The following NCK2 variants were observed in gnomAD, a reference collection of about 807,000 sequenced individuals.
NCK2 encodes the protein NCK adaptor protein 2, also known as cytoplasmic protein NCK2.
Under a neutral mutation model 33.9 loss-of-function variants are expected in NCK2, and 16 were observed. The observed-to-expected ratio is 0.47, with a 90% CI of 0.32 to 0.72. The LOEUF (loss-of-function observed/expected upper bound fraction) is 0.72. Ranked by LOEUF, NCK2 falls within the 30% of genes least tolerant of loss-of-function variation. NCK2 has a pLI of 0.03. For missense variants in NCK2, 418 were observed against 537.3 expected, an observed-to-expected ratio of 0.78 and a Z score of 2.19; for synonymous variants, 273 against 239.9, an observed-to-expected ratio of 1.14 and a Z score of -1.27.
intron 3 of NCK2, 79 bp downstream of exon 3, chr2:105,855,368 T>TAAA (rs1677218561): frequency 1.2e-5 from 10 of 820,522 alleles, no homozygotes; most frequent in Admixed American, 1.1e-4. Flanking sequence ...GTTTGCTGTT[T>TAAA]CAAAAAAAAA....
At chr2:105,807,454 A>G (rs1024046100) in intron 1 of NCK2, among the ~76,000 whole-genome samples, 1 of 152,182 alleles carries the variant, frequency 6.6e-6, no homozygotes, top group East Asian at 1.9e-4. Context: ...CTAGGGAAAA[A>G]ATTATTTAGT....
chr2:105,756,743 C>G (rs1412193736), intron 1 of NCK2, among the ~76,000 whole-genome samples: 5 of 152,220 alleles, frequency 3.3e-5, no homozygotes, highest in African/African-American at 1.2e-4. Flanking sequence ...AAACATTTGC[C>G]TTCACGCAGT....
At chr2:105,771,421 G>A (rs1573573202) in intron 1 of NCK2, among the ~76,000 whole-genome samples, 1 of 151,852 alleles carries the variant, frequency 6.6e-6, no homozygotes, top group South Asian at 2.1e-4. Context: ...ATAAAAATTA[G>A]CTGGGTGTGG....
At chr2:105,761,231 G>A (rs1307891595) in intron 1 of NCK2, among the ~76,000 whole-genome samples, 1 of 152,180 alleles carries the variant, frequency 6.6e-6, no homozygotes, top group African/African-American at 2.4e-5. Flanking sequence ...TGGTATGGAC[G>A]GGGCAGGCGT....
intron 3 of NCK2, among the ~76,000 whole-genome samples, chr2:105,873,195 C>A (rs2104635803): frequency 6.6e-6 from 1 of 152,330 alleles, no homozygotes. Flanking sequence ...TTAAATTTGA[C>A]CTTGTCTGAA....
intron 1 of NCK2, among the ~76,000 whole-genome samples, chr2:105,766,173 C>T (rs1254172042): frequency 1.3e-5 from 2 of 152,000 alleles, no homozygotes; most frequent in Non-Finnish European, 2.9e-5. Context: ...GAAGTGGGGC[C>T]TAGGAAGCAC....
At chr2:105,815,472 G>C (rs905816217) in intron 1 of NCK2, among the ~76,000 whole-genome samples, 3 of 152,162 alleles carry the variant, frequency 2.0e-5, no homozygotes, top group Non-Finnish European at 4.4e-5. Context: ...CATTGGGTTT[G>C]AAATGTAATT....
intron 2 of NCK2, among the ~76,000 whole-genome samples, chr2:105,830,577 T>C (rs1345833965): frequency 1.3e-5 from 2 of 152,124 alleles, no homozygotes; most frequent in African/African-American, 4.8e-5. Context: ...CATTTCCTTT[T>C]CTGTGGGTAA....
intron 3 of NCK2, among the ~76,000 whole-genome samples, chr2:105,870,195 C>T (rs573452163): frequency 1.3e-5 from 2 of 152,220 alleles, no homozygotes; most frequent in African/African-American, 2.4e-5. Flanking sequence ...CACAGTGCCA[C>T]GGGGCCAAGC....
intron 1 of NCK2, among the ~76,000 whole-genome samples, chr2:105,750,069 A>ACACAC (rs1558820044): frequency 1.8e-5 from 1 of 56,648 alleles, no homozygotes; most frequent in African/African-American, 5.3e-5. Context: ...CACACACACA[A>ACACAC]AACAACAACA....
chr2:105,779,657 C>T (rs1690423451), intron 1 of NCK2, among the ~76,000 whole-genome samples: 1 of 151,912 alleles, frequency 6.6e-6, no homozygotes, highest in African/African-American at 2.4e-5. Context: ...CCACGGGAGA[C>T]GTATGCAGGT....
At chr2:105,840,538 ACTGTTGAC>A (rs1165266645) in intron 2 of NCK2, among the ~76,000 whole-genome samples, 2 of 152,164 alleles carry the variant, frequency 1.3e-5, no homozygotes, top group Admixed American at 6.5e-5. Flanking sequence ...CAGCTCTGAC[ACTGTTGAC>A]CTGGAGACAG....
intron 3 of NCK2, among the ~76,000 whole-genome samples, chr2:105,858,623 G>A (rs1216661208): frequency 6.6e-6 from 1 of 152,154 alleles, no homozygotes; most frequent in African/African-American, 2.4e-5. Flanking sequence ...ACAGTGTTGT[G>A]TATTGCATCT....
At chr2:105,831,097 A>G (rs954661249) in intron 2 of NCK2, among the ~76,000 whole-genome samples, 34 of 152,112 alleles carry the variant, frequency 2.2e-4, no homozygotes, top group African/African-American at 7.2e-4. Context: ...CCATTTGTCT[A>G]TGTTTGCTTT....
In NCK2 at chr2:105,893,177, C is replaced by G. The variant is rs778252444; in HGVS notation, c.*1C>G. 7 of 1,581,834 alleles carry G rather than the reference C, an allele frequency of 4.4e-6. No homozygotes were observed. The highest frequency in any genetic ancestry group is 2.3e-5 in the East Asian group (1 of 43,104). On this transcript the variant is annotated 3_prime_UTR_variant, in exon 5 of 5. Coordinates refer to ENST00000233154, the MANE Select transcript of NCK2 (RefSeq NM_003581.5). Reference sequence around the variant, plus strand: ...CTACCTCGTCAGGGCCCTGCAGTGACGGCGCCCCGGCCCCACACTCGCCTC... The same window carrying G: ...CTACCTCGTCAGGGCCCTGCAGTGAGGGCGCCCCGGCCCCACACTCGCCTC...
intron 1 of NCK2, among the ~76,000 whole-genome samples, chr2:105,749,192 G>A (rs1364412532): frequency 6.6e-6 from 1 of 152,164 alleles, no homozygotes; most frequent in East Asian, 1.9e-4. Flanking sequence ...TGGGCAGACC[G>A]TTTGTGATCC....
Position 105,835,804 on chromosome 2 carries a change from C to CT in NCK2, c.-17+19194dup, listed in dbSNP as rs1676409581. 9.2e-5 allele frequency among the ~76,000 whole-genome samples: 14 copies of CT among 151,974 alleles called. No homozygotes were observed. The South Asian group carries it at 2.7e-3, about 29-fold the overall frequency. ...AATAGGATCCCACATGTCAGGTAGGCTTTCTTCATTCTTTTTTATTCTTTT... is the reference window on the plus strand; with the variant it reads ...AATAGGATCCCACATGTCAGGTAGGCTTTTCTTCATTCTTTTTTATTCTTTT... On this transcript the variant is annotated intron_variant, in intron 2 of 4. Transcript: ENST00000233154.
chr2:105,773,466 C>T (rs986751672), intron 1 of NCK2, among the ~76,000 whole-genome samples: 10 of 152,044 alleles, frequency 6.6e-5, no homozygotes, highest in Non-Finnish European at 1.5e-4. Context: ...GGGCCATCAC[C>T]ACTGCACCTG....
In NCK2 at chr2:105,885,416, G is replaced by A. The variant is rs574247338; in HGVS notation, c.948+3367G>A. ...AAGTATTTGGCTGGGAAATAAAATA[G>A]AATAGCTCCTTTCTGTATTTTTAAA... On this transcript the variant is annotated intron_variant, in intron 4 of 4. Coordinates refer to ENST00000233154, the MANE Select transcript of NCK2 (RefSeq NM_003581.5). Among the ~76,000 whole-genome samples the A allele has an allele frequency of 7.2e-5, 11 of 152,190 alleles. No homozygotes were observed. The East Asian group carries it at 2.1e-3, about 29-fold the overall frequency.
Sources: gnomAD v4.1 joint callset for allele counts (sites outside exome capture counted in the v4.1 genomes callset) on GRCh38, gnomAD v4.1.1 for gene constraint, MANE v1.5 for transcripts, NCBI Gene and HGNC (gene_info 2026-07-23, HGNC 2026-07-21) for gene names.